The following CEP83 variants were observed in gnomAD, a reference collection of about 807,000 sequenced individuals.
CEP83 encodes centrosomal protein of 83 kDa.
A neutral mutation model predicts 101.9 loss-of-function variants in CEP83; 70 were observed. The ratio of observed to expected loss-of-function variants is 0.69; its 90% confidence interval spans 0.57 to 0.84. The LOEUF (loss-of-function observed/expected upper bound fraction) is 0.84, where lower values mean the gene tolerates loss of function less well. CEP83 is among the 40% of genes least tolerant of loss of function. CEP83 has a pLI of 0.00. For synonymous variants in CEP83, 264 were observed against 267.9 expected, an observed-to-expected ratio of 0.99 and a Z score of 0.14; for missense variants, 715 against 787.2, an observed-to-expected ratio of 0.91 and a Z score of 1.10.
chr12:94,412,087 A>G (rs1182729872), intron 3 of CEP83, among the ~76,000 whole-genome samples: 1 of 152,162 alleles, frequency 6.6e-6, no homozygotes, highest in Non-Finnish European at 1.5e-5. Context: ...ATTTAATCTT[A>G]TACGTCCTGC....
At chr12:94,317,651 C>A (rs554649568) in intron 14 of CEP83, among the ~76,000 whole-genome samples, 2 of 152,268 alleles carry the variant, frequency 1.3e-5, no homozygotes, top group Admixed American at 1.3e-4. Flanking sequence ...TTTATCCCAG[C>A]ACCATTTAAT....
the CEP83 span, among the ~76,000 whole-genome samples, chr12:94,288,940 A>G: frequency 6.6e-6 from 1 of 152,182 alleles, no homozygotes; most frequent in African/African-American, 2.4e-5. Context: ...TTAAATTATC[A>G]CAATATTCAG....
intron 16 of CEP83, among the ~76,000 whole-genome samples, chr12:94,309,559 G>C (rs1209874747): frequency 6.6e-6 from 1 of 152,074 alleles, no homozygotes; most frequent in Non-Finnish European, 1.5e-5. Context: ...ACATTGCACG[G>C]AACATGCACA....
At chr12:94,275,441 A>G in the CEP83 span, among the ~76,000 whole-genome samples, 2 of 152,304 alleles carry the variant, frequency 1.3e-5, no homozygotes, top group East Asian at 3.9e-4. Context: ...ACGCTGTCTG[A>G]CATGGCACAG....
intron 6 of CEP83, among the ~76,000 whole-genome samples, chr12:94,382,986 ATT>A (rs993928998): frequency 1.3e-5 from 2 of 151,994 alleles, no homozygotes; most frequent in Admixed American, 1.3e-4. Flanking sequence ...ATAATTATAG[ATT>A]TGTCTATTTC....
chr12:94,377,684 T>G (rs1214783110), intron 7 of CEP83, among the ~76,000 whole-genome samples: 2 of 152,172 alleles, frequency 1.3e-5, no homozygotes, highest in Non-Finnish European at 2.9e-5. Context: ...CAAATAAATC[T>G]TCTGTCATCA....
chr12:94,429,039 CTATT>C (rs1250851528), intron 2 of CEP83, among the ~76,000 whole-genome samples: 1 of 152,178 alleles, frequency 6.6e-6, no homozygotes, highest in Non-Finnish European at 1.5e-5. Flanking sequence ...AGAAAATGGA[CTATT>C]TAAACTTTCT....
chr12:94,276,978 G>A, the CEP83 span: 5 of 152,204 alleles, frequency 3.3e-5, no homozygotes, highest in African/African-American at 1.2e-4. Context: ...TCATTTGGTT[G>A]AGACCAGAAC....
At chr12:94,283,044 T>C in the CEP83 span, among the ~76,000 whole-genome samples, 21 of 152,284 alleles carry the variant, frequency 1.4e-4, no homozygotes, top group African/African-American at 4.8e-4. Flanking sequence ...TTAGCAGTAT[T>C]ATCTGAATCT....
At chr12:94,411,948 T>C in intron 3 of CEP83, 101 bp from the exon 4 acceptor site, 1 of 859,344 alleles carries the variant, frequency 1.2e-6, no homozygotes, top group Non-Finnish European at 1.8e-6. Flanking sequence ...ACAAGACCAA[T>C]ATCACACATT....
intron 8 of CEP83, among the ~76,000 whole-genome samples, chr12:94,374,758 T>C (rs1259165888): frequency 1.3e-5 from 2 of 152,182 alleles, no homozygotes; most frequent in Non-Finnish European, 2.9e-5. Flanking sequence ...TTCTTTATGT[T>C]ACAATATTTT....
chr12:94,378,490 A>G (rs1056629113), intron 7 of CEP83, among the ~76,000 whole-genome samples: 2 of 152,108 alleles, frequency 1.3e-5, no homozygotes, highest in African/African-American at 4.8e-5. Context: ...ACGCTCAGAA[A>G]CTCAAATACA....
At chr12:94,381,003 T>G (rs2061819662) in intron 6 of CEP83, among the ~76,000 whole-genome samples, 1 of 152,184 alleles carries the variant, frequency 6.6e-6, no homozygotes, top group African/African-American at 2.4e-5. Context: ...CTTACAAAAC[T>G]GCCATCTAAT....
chr12:94,317,412 G>A (rs1970883295), intron 14 of CEP83, among the ~76,000 whole-genome samples: 1 of 152,278 alleles, frequency 6.6e-6, no homozygotes, highest in African/African-American at 2.4e-5. Context: ...AAGCTCTTAA[G>A]TTTAATTAGA....
chr12:94,410,665 C>T (rs2063822902), intron 4 of CEP83, among the ~76,000 whole-genome samples: 1 of 152,158 alleles, frequency 6.6e-6, no homozygotes. Context: ...TCACAGCTTC[C>T]ACTCATACAG....
intron 6 of CEP83, among the ~76,000 whole-genome samples, chr12:94,389,919 G>A (rs992816583): frequency 2.6e-5 from 4 of 152,232 alleles, no homozygotes; most frequent in African/African-American, 7.2e-5. Flanking sequence ...AGGGGGAGGG[G>A]TGTCCCCCAT....
At chr12:94,350,905 C>T (rs1016593773) in intron 11 of CEP83, among the ~76,000 whole-genome samples, 1 of 152,118 alleles carries the variant, frequency 6.6e-6, no homozygotes, top group Non-Finnish European at 1.5e-5. Flanking sequence ...CAATGAGATA[C>T]TTACTACCTC....
At chr12:94,287,613 T>C in the CEP83 span, among the ~76,000 whole-genome samples, 1 of 152,186 alleles carries the variant, frequency 6.6e-6, no homozygotes, top group Admixed American at 6.5e-5. Flanking sequence ...TTAACCGCTT[T>C]CATTAACAGA....
chr12:94,324,342 G>C (rs556949246), intron 14 of CEP83, among the ~76,000 whole-genome samples: 1 of 152,276 alleles, frequency 6.6e-6, no homozygotes, highest in Non-Finnish European at 1.5e-5. Flanking sequence ...AATTCTTCTT[G>C]TATTAGGTTT....
Sources: gnomAD v4.1 joint callset for allele counts (sites outside exome capture counted in the v4.1 genomes callset) on GRCh38, gnomAD v4.1.1 for gene constraint, MANE v1.5 for transcripts, NCBI Gene and HGNC (gene_info 2026-07-23, HGNC 2026-07-21) for gene names.